Variants in CADM3 observed in about 807,000 individuals in gnomAD.
The protein encoded by CADM3 is TSLC1-like 1.
A neutral mutation model predicts 44.9 loss-of-function variants in CADM3; 11 were observed. The observed-to-expected ratio is 0.25, with a 90% CI of 0.15 to 0.41. The LOEUF (loss-of-function observed/expected upper bound fraction) is 0.41. Ranked by LOEUF, CADM3 falls within the 10% of genes least tolerant of loss-of-function variation. CADM3 has a pLI of 1.00. For missense variants in CADM3, 426 were observed against 512.0 expected (o/e 0.83, Z 1.62); for synonymous variants, 207 against 205.2 (o/e 1.01, Z -0.08).
Position 159,201,115 on chromosome 1 carries a change from G to A in CADM3, c.*193G>A, listed in dbSNP as rs537718277. 6.9e-5 allele frequency: 22 copies of A among 319,608 alleles called. No homozygotes were observed. Among genetic ancestry groups the A allele is most frequent in the South Asian group, 4.3e-4 (4 of 9,200 alleles). 19.8% of individuals were successfully genotyped at this position (319,608 alleles called of 1,614,324 possible). A position where few individuals can be genotyped will look rare whatever the true frequency, so the allele number is the denominator to read the frequency against. ...GTTTGGAATGGGGAGGGAGGAGGGC[G>A]GGGGGAGGGGAGGGTTGCCCTCAGC... On this transcript the variant is annotated 3_prime_UTR_variant, in exon 9 of 9. Coordinates refer to ENST00000368125, the MANE Select transcript of CADM3 (RefSeq NM_001127173.3).
At chr1:159,191,798 T>G in intron 1 of CADM3, 138 bp from the exon 2 acceptor site, 1 of 954,166 alleles carries the variant, frequency 1.0e-6, no homozygotes, top group East Asian at 2.5e-5. Context: ...CCTTCCCCCA[T>G]GAAACCTTAC....
intron 8 of CADM3, 50 bp from the exon 9 acceptor site, chr1:159,200,754 C>T: frequency 4.2e-6 from 6 of 1,413,902 alleles, no homozygotes; most frequent in South Asian, 1.3e-5. Context: ...AGGGTGGACT[C>T]AGAGGTTGGG....
chr1:159,196,822 A>ATTTTTTTTTTTTTTTT, intron 6 of CADM3, 69 bp from the exon 7 acceptor site: 1 of 1,138,482 alleles, frequency 8.8e-7, no homozygotes, highest in Non-Finnish European at 1.2e-6. Context: ...GCTCCCAGTT[A>ATTTTTTTTTTTTTTTT]TTTTTTTTTT....
At position 159,201,019 on chromosome 1, in the gene CADM3, C is replaced by T; in HGVS notation, c.*97C>T. On this transcript the variant is annotated 3_prime_UTR_variant, in exon 9 of 9. Coordinates refer to ENST00000368125, the MANE Select transcript of CADM3 (RefSeq NM_001127173.3). ...TGTACAGAGCAACCGCAGGGCCGCCCCTCCCGCTTGCTCCCCAGCCCACCC... is the reference window on the plus strand; with the variant it reads ...TGTACAGAGCAACCGCAGGGCCGCCTCTCCCGCTTGCTCCCCAGCCCACCC... 1 of 775,590 alleles carries T rather than the reference C, an allele frequency of 1.3e-6. No homozygotes were observed. The highest frequency in any genetic ancestry group is 2.0e-6 in the Non-Finnish European group (1 of 510,386). 48.0% of individuals were successfully genotyped at this position (775,590 alleles called of 1,614,324 possible). A position where few individuals can be genotyped will look rare whatever the true frequency, so the allele number is the denominator to read the frequency against.
At chr1:159,175,886 G>T (rs1389877281) in intron 1 of CADM3, among the ~76,000 whole-genome samples, 1 of 152,194 alleles carries the variant, frequency 6.6e-6, no homozygotes, top group East Asian at 1.9e-4. Flanking sequence ...GAGAGGTTGT[G>T]CCATTGCTCT....
intron 1 of CADM3, among the ~76,000 whole-genome samples, chr1:159,191,671 G>A (rs750565292): frequency 4.6e-5 from 7 of 152,182 alleles, no homozygotes; most frequent in Non-Finnish European, 8.8e-5. Flanking sequence ...CTAAATGTTC[G>A]TGGCCCTGTC....
At chr1:159,174,540 T>A (rs1246288777) in intron 1 of CADM3, among the ~76,000 whole-genome samples, 1 of 152,198 alleles carries the variant, frequency 6.6e-6, no homozygotes, top group African/African-American at 2.4e-5. Flanking sequence ...CTATTCCCAT[T>A]TAAAATAAGG....
chr1:159,172,853 G>A (rs952069746), intron 1 of CADM3, among the ~76,000 whole-genome samples: 4 of 152,116 alleles, frequency 2.6e-5, no homozygotes, highest in Admixed American at 2.6e-4. Flanking sequence ...CGCTGTGGGG[G>A]CACCTCAGCT....
rs1648796627 is a variant in CADM3 at position 159,171,615 on chromosome 1, G to C, written c.-151G>C. The C allele has an allele frequency of 8.2e-6, 3 of 365,864 alleles. No homozygotes were observed. The highest frequency in any genetic ancestry group is 1.4e-4 in the South Asian group (1 of 7,160). 22.7% of individuals were successfully genotyped at this position (365,864 alleles called of 1,614,324 possible). Reference sequence around the variant, plus strand: ...TAATCCCCGCGACTGCAGCAGCGCCGGCTCCCTCCCGGTCCCCACCTCGGC... The same window carrying C: ...TAATCCCCGCGACTGCAGCAGCGCCCGCTCCCTCCCGGTCCCCACCTCGGC... On this transcript the variant is annotated 5_prime_UTR_variant, in exon 1 of 9. Transcript: ENST00000368125.
chr1:159,183,773 C>G (rs1649323181), intron 1 of CADM3, among the ~76,000 whole-genome samples: 1 of 152,108 alleles, frequency 6.6e-6, no homozygotes, highest in Non-Finnish European at 1.5e-5. Flanking sequence ...ATATCGTGGC[C>G]ATTAGGGAAT....
At chr1:159,190,153 T>C (rs944327465) in intron 1 of CADM3, among the ~76,000 whole-genome samples, 9 of 151,958 alleles carry the variant, frequency 5.9e-5, no homozygotes, top group Non-Finnish European at 1.2e-4. Flanking sequence ...AATAAAGAGG[T>C]TCTGGGAAGA....
At chr1:159,172,941 G>A (rs1379747279) in intron 1 of CADM3, among the ~76,000 whole-genome samples, 1 of 152,084 alleles carries the variant, frequency 6.6e-6, no homozygotes, top group African/African-American at 2.4e-5. Context: ...CCACAGCTCC[G>A]AGCCTCAGGT....
intron 1 of CADM3, chr1:159,178,375 T>C (rs1325365013): frequency 6.6e-6 from 1 of 152,152 alleles, no homozygotes; most frequent in Non-Finnish European, 1.5e-5. Flanking sequence ...TTTTTACCCT[T>C]TTCCCTCAAC....
chr1:159,199,392 C>T (rs862997), intron 7 of CADM3, among the ~76,000 whole-genome samples: 2 of 146,328 alleles, frequency 1.4e-5, no homozygotes, highest in Non-Finnish European at 3.1e-5. Context: ...AAAGAAGAGG[C>T]GGAGGGAGGG....
At chr1:159,200,039 C>G (rs1202857828) in intron 8 of CADM3, among the ~76,000 whole-genome samples, 163 bp downstream of exon 8, 1 of 152,146 alleles carries the variant, frequency 6.6e-6, no homozygotes, top group Non-Finnish European at 1.5e-5. Flanking sequence ...TCATTGCCAA[C>G]CCTGTGATAA....
At chr1:159,192,480 A>G (rs2102123730) in intron 2 of CADM3, 98 bp from the exon 3 acceptor site, 1 of 1,432,008 alleles carries the variant, frequency 7.0e-7, no homozygotes. Flanking sequence ...CACCCACCAT[A>G]CTAGACCCCT....
rs374043389 is a variant in CADM3 at position 159,193,929 on chromosome 1, G to A, written c.580G>A (p.Val194Met). The stretch of plus-strand genomic sequence containing the variant: ...TAAAACCTTCACTGTCAGCAGCTCG[G>A]TGACATTCCAGGTTACCCGGGAGGA... ...NGKTFTVSSSVTFQVTREDDG... is the reference protein window; with the variant it reads ...NGKTFTVSSSMTFQVTREDDG... The change falls in exon 5 of 9, where the codon GTG (valine) becomes ATG (methionine). Residue 194 changes from valine (V) to methionine (M), a missense_variant. By Grantham distance (21) the Val-to-Met change is conservative. This residue lies in a region of CADM3 where 362 missense variants were observed against 474.6 expected (regional missense o/e 0.76). Transcript: ENST00000368125. 6.2e-7 allele frequency: 1 copy of A among 1,614,186 alleles called. No individual in the cohort carries two copies. The highest frequency in any genetic ancestry group is 8.5e-7 in the Non-Finnish European group (1 of 1,180,038).
intron 1 of CADM3, among the ~76,000 whole-genome samples, chr1:159,187,632 T>C (rs1293497109): frequency 6.6e-6 from 1 of 152,190 alleles, no homozygotes; most frequent in Non-Finnish European, 1.5e-5. Context: ...AAGGCCTATT[T>C]AGTACTCACT....
At position 159,193,896 on chromosome 1, in the gene CADM3, C is replaced by T. The variant is rs191216919; in HGVS notation, c.547C>T (p.Pro183Ser). ...AGAACCAACCCGCATACAGGAAGAT[C>T]CCAATGGTAAAACCTTCACTGTCAG... ...HGEPTRIQED[P>S]NGKTFTVSSS... Residue 183 changes from proline (P) to serine (S), a missense_variant, in exon 5 of 9, where the codon CCC becomes TCC. Transcript: ENST00000368125. 11 of 1,614,084 alleles carry T rather than the reference C, an allele frequency of 6.8e-6. No homozygotes were observed. In the East Asian group the frequency reaches 2.2e-4, roughly 33 times the overall value.
Sources: allele counts gnomAD v4.1 joint callset (sites outside exome capture counted in the v4.1 genomes callset), GRCh38; gene constraint gnomAD v4.1.1; regional missense constraint gnomAD v4.1.1; transcripts MANE v1.5; gene names NCBI Gene and HGNC (gene_info 2026-07-23, HGNC 2026-07-21).